Variants in ARHGAP20 observed in about 807,000 individuals in gnomAD.
The protein encoded by ARHGAP20 is rho GTPase-activating protein 20.
A neutral mutation model predicts 73.7 loss-of-function variants in ARHGAP20; 34 were observed. The ratio of observed to expected loss-of-function variants is 0.46; its 90% confidence interval spans 0.35 to 0.61. ARHGAP20 has a LOEUF of 0.61. ARHGAP20 is among the 20% of genes least tolerant of loss of function. The pLI, the probability that ARHGAP20 is intolerant of heterozygous loss-of-function variation, is 0.00. For synonymous variants in ARHGAP20, 523 were observed against 518.2 expected (o/e 1.01, Z -0.13); for missense variants, 1,314 against 1,420.9 (o/e 0.92, Z 1.21).
chr11:110,636,464 C>A (rs535055125), intron 2 of ARHGAP20, among the ~76,000 whole-genome samples: 5 of 152,110 alleles, frequency 3.3e-5, no homozygotes, highest in South Asian at 2.1e-4. Context: ...TAAAGCAATT[C>A]CAAAGGATTT....
At chr11:110,584,554 T>C (rs543017851) in intron 12 of ARHGAP20, among the ~76,000 whole-genome samples, 25 of 152,184 alleles carry the variant, frequency 1.6e-4, no homozygotes, top group African/African-American at 6.0e-4. Context: ...GGGTAAGTTA[T>C]GAAGGACTTT....
chr11:110,711,005 CAA>C (rs11461759), intron 1 of ARHGAP20, among the ~76,000 whole-genome samples: 30 of 82,452 alleles, frequency 3.6e-4, no homozygotes, highest in Non-Finnish European at 5.8e-4. Context: ...TAAGACAAGG[CAA>C]AAAAAAAAAA....
chr11:110,604,325 C>T (rs981407481), intron 9 of ARHGAP20, among the ~76,000 whole-genome samples: 1 of 152,096 alleles, frequency 6.6e-6, no homozygotes, highest in Non-Finnish European at 1.5e-5. Context: ...ATAGTTATTC[C>T]ATCCCTAATC....
At chr11:110,633,341 A>G (rs1297815597) in intron 2 of ARHGAP20, among the ~76,000 whole-genome samples, 1 of 152,178 alleles carries the variant, frequency 6.6e-6, no homozygotes, top group Non-Finnish European at 1.5e-5. Flanking sequence ...ACTATAAAGC[A>G]TAGGTCTATT....
chr11:110,577,174 T>C lies in ARHGAP20; in HGVS notation c.*2196A>G. On this transcript the variant is annotated 3_prime_UTR_variant, in exon 15 of 15. Transcript: ENST00000683387. ...GTTTCTGCAAGTACAAAAATACACA[T>C]TTATTACATAACATATGGTAGTAAA... is the stretch of plus-strand genomic sequence containing the variant. 6.5e-7 allele frequency: 1 copy of C among 1,533,728 alleles called. No individual in the cohort carries two copies. Among genetic ancestry groups the C allele is most frequent in the Non-Finnish European group, 8.7e-7 (1 of 1,145,844 alleles).
Position 110,608,866 on chromosome 11 carries a change from C to CTT in ARHGAP20, c.775+117_775+118insAA, listed in dbSNP as rs1418568243. 3.2e-5 allele frequency: 25 copies of CTT among 771,236 alleles called. No individual in the cohort carries two copies. The African/African-American group carries it at 4.0e-4, about 12-fold the overall frequency. 47.8% of individuals were successfully genotyped at this position (771,236 alleles called of 1,614,324 possible). A position where few individuals can be genotyped will look rare whatever the true frequency, so the allele number is the denominator to read the frequency against. ...TGATAGATCTTTATTAAATGAACACCATGAAATTTCATATTTAATAGTATT... is the reference window on the plus strand; with the variant it reads ...TGATAGATCTTTATTAAATGAACACCTTATGAAATTTCATATTTAATAGTATT... On this transcript the variant is annotated intron_variant, in intron 8 of 14. Transcript: ENST00000683387.
intron 2 of ARHGAP20, among the ~76,000 whole-genome samples, chr11:110,631,749 G>A (rs1948864482): frequency 6.6e-6 from 1 of 152,098 alleles, no homozygotes; most frequent in Non-Finnish European, 1.5e-5. Flanking sequence ...TAAGCCTCTG[G>A]ACAGTCTCAT....
Position 110,578,607 on chromosome 11 carries a change from A to G in ARHGAP20, c.*763T>C. ...ATGTTCCTAGGCAGAGATACCTTTGAAAGGGTACTGAAATGGGCAGCCATT... is the reference window on the plus strand; with the variant it reads ...ATGTTCCTAGGCAGAGATACCTTTGGAAGGGTACTGAAATGGGCAGCCATT... On this transcript the variant is annotated 3_prime_UTR_variant, in exon 15 of 15. Coordinates refer to ENST00000683387, the MANE Select transcript of ARHGAP20 (RefSeq NM_001384657.1). 1.0e-6 allele frequency: 1 copy of G among 985,452 alleles called. No homozygotes were observed. The allele number at this position is 985,452 out of a possible 1,614,324, so 61.0% of individuals were successfully genotyped here. A position where few individuals can be genotyped will look rare whatever the true frequency, so the allele number is the denominator to read the frequency against.
rs1947335993 is a variant in ARHGAP20, at chr11:110,578,080, T to TGGCAA, written c.*1285_*1289dup. ...TTTAGTGCCATCCCTGCATACTAGT[T>TGGCAA]GGCAAGGCCTGATAATCTATTCCTA... On this transcript the variant is annotated 3_prime_UTR_variant, in exon 15 of 15. Coordinates refer to ENST00000683387, the MANE Select transcript of ARHGAP20 (RefSeq NM_001384657.1). 1 of 985,322 alleles carries TGGCAA rather than the reference T, an allele frequency of 1.0e-6. No individual in the cohort carries two copies. Among genetic ancestry groups the TGGCAA allele is most frequent in the Admixed American group, 6.2e-5 (1 of 16,256 alleles). 61.0% of individuals were successfully genotyped at this position (985,322 alleles called of 1,614,324 possible). A position where few individuals can be genotyped will look rare whatever the true frequency, so the allele number is the denominator to read the frequency against.
chr11:110,578,944 TA>T lies in ARHGAP20; in HGVS notation c.*425del. On this transcript the variant is annotated 3_prime_UTR_variant, in exon 15 of 15. Coordinates refer to ENST00000683387, the MANE Select transcript of ARHGAP20 (RefSeq NM_001384657.1). ...AGTGGCATTTTTCTTGCCTACTTAT[TA>T]AAAACATTCCATGGAATGTAGATGG... 1 of 987,306 alleles carries T rather than the reference TA, an allele frequency of 1.0e-6. No homozygotes were observed. Among genetic ancestry groups the T allele is most frequent in the Non-Finnish European group, 1.2e-6 (1 of 831,144 alleles). 61.2% of individuals were successfully genotyped at this position (987,306 alleles called of 1,614,324 possible). A position where few individuals can be genotyped will look rare whatever the true frequency, so the allele number is the denominator to read the frequency against.
At chr11:110,655,596 T>C (rs1320693749) in intron 2 of ARHGAP20, among the ~76,000 whole-genome samples, 2 of 152,170 alleles carry the variant, frequency 1.3e-5, no homozygotes, top group Non-Finnish European at 2.9e-5. Context: ...TATCTTGTTA[T>C]GGTCTTGTAA....
intron 8 of ARHGAP20, among the ~76,000 whole-genome samples, chr11:110,607,951 T>G (rs1167571974): frequency 6.6e-6 from 1 of 152,204 alleles, no homozygotes; most frequent in African/African-American, 2.4e-5. Flanking sequence ...TTAATAACTT[T>G]ATTGCTCATT....
chr11:110,596,979 A>G (rs886207687), intron 9 of ARHGAP20, among the ~76,000 whole-genome samples: 2 of 149,614 alleles, frequency 1.3e-5, no homozygotes, highest in African/African-American at 5.1e-5. Flanking sequence ...GGATGAGTTC[A>G]TGTCCTTTGT....
At chr11:110,646,439 C>T (rs140803725) in intron 2 of ARHGAP20, among the ~76,000 whole-genome samples, 161 of 152,168 alleles carry the variant, frequency 1.1e-3, no homozygotes, top group Non-Finnish European at 2.0e-3. Flanking sequence ...AAGACATCTT[C>T]TTAAAGCAAA....
chr11:110,709,855 TA>T (rs1950614460), intron 1 of ARHGAP20, among the ~76,000 whole-genome samples: 1 of 152,318 alleles, frequency 6.6e-6, no homozygotes, highest in Admixed American at 6.5e-5. Flanking sequence ...ATTTACATTT[TA>T]AAAGATTATT....
At chr11:110,684,629 A>C (rs1330541177) in intron 2 of ARHGAP20, among the ~76,000 whole-genome samples, 1 of 152,188 alleles carries the variant, frequency 6.6e-6, no homozygotes, top group Non-Finnish European at 1.5e-5. Context: ...TGTTTACTGA[A>C]GCACTATTTA....
intron 1 of ARHGAP20, among the ~76,000 whole-genome samples, chr11:110,695,574 G>C (rs1950320507): frequency 6.6e-6 from 1 of 151,490 alleles, no homozygotes; most frequent in Admixed American, 6.6e-5. Context: ...AAGGATATGA[G>C]AAAATGCTCA....
chr11:110,703,233 T>C (rs1050089696), intron 1 of ARHGAP20, among the ~76,000 whole-genome samples: 3 of 152,158 alleles, frequency 2.0e-5, no homozygotes, highest in African/African-American at 7.2e-5. Context: ...TAAATGAATA[T>C]ATGTTCCTTT....
chr11:110,658,582 G>A (rs1335354030), intron 2 of ARHGAP20, among the ~76,000 whole-genome samples: 2 of 152,116 alleles, frequency 1.3e-5, no homozygotes, highest in Non-Finnish European at 2.9e-5. Context: ...CTGCCTCTAT[G>A]TGAGAAGGAA....
Sources: allele counts gnomAD v4.1 joint callset (sites outside exome capture counted in the v4.1 genomes callset), GRCh38; gene constraint gnomAD v4.1.1; transcripts MANE v1.5; gene names NCBI Gene and HGNC (gene_info 2026-07-23, HGNC 2026-07-21).